The following LRRC56 variants were observed in gnomAD, a reference collection of about 807,000 sequenced individuals.
LRRC56 encodes leucine-rich repeat-containing protein 56.
LRRC56 carries 41 observed loss-of-function variants against 47.8 expected under a neutral mutation model. The observed-to-expected ratio is 0.86, with a 90% CI of 0.67 to 1.11. The LOEUF is 1.11. LRRC56 is among the 50% of genes most tolerant of loss of function. The pLI, the probability that LRRC56 is intolerant of heterozygous loss-of-function variation, is 0.00. For synonymous variants in LRRC56, 387 were observed against 311.2 expected (o/e 1.24, Z -2.56); for missense variants, 759 against 704.2 (o/e 1.08, Z -0.88).
chr11:538,009 G>A (rs1468523702), intron 1 of LRRC56, among the ~76,000 whole-genome samples: 1 of 152,186 alleles, frequency 6.6e-6, no homozygotes, highest in Non-Finnish European at 1.5e-5. Context: ...GGGGTGTGGA[G>A]ACAGGCCCCC....
chr11:525,923 C>T, the LRRC56 span, among the ~76,000 whole-genome samples: 2 of 151,386 alleles, frequency 1.3e-5, no homozygotes, highest in Non-Finnish European at 2.9e-5. Context: ...AGGCCAGGCG[C>T]GGTGGCTCAC....
chr11:523,328 A>G, the LRRC56 span, among the ~76,000 whole-genome samples: 1 of 149,452 alleles, frequency 6.7e-6, no homozygotes, highest in Admixed American at 6.7e-5. Flanking sequence ...CCAGCAATAT[A>G]TAGTTTTAAA....
chr11:528,928 G>C, the LRRC56 span: 2 of 152,382 alleles, frequency 1.3e-5, no homozygotes, highest in Admixed American at 6.5e-5. Context: ...GGTGTCCGAG[G>C]GGGGGCTCTG....
the LRRC56 span, among the ~76,000 whole-genome samples, chr11:527,963 A>G: frequency 2.8e-4 from 43 of 151,756 alleles, no homozygotes; most frequent in South Asian, 8.5e-3. Context: ...CGGCCTCCCA[A>G]GGGCTGGGAT....
At chr11:534,333 G>A, upstream of LRRC56, 1 of 1,607,758 alleles carries the variant, frequency 6.2e-7, no homozygotes, top group Non-Finnish European at 8.5e-7. Context: ...CGCTCCTCAG[G>A]GGCCTGCGGC....
At chr11:534,069 G>C (rs1851299408), upstream of LRRC56, 2 of 1,217,228 alleles carry the variant, frequency 1.6e-6, no homozygotes, top group South Asian at 2.4e-5. Flanking sequence ...GCTGAGACGA[G>C]GGACTCCCCT....
chr11:532,490 C>A, the LRRC56 span: 2 of 1,113,332 alleles, frequency 1.8e-6, no homozygotes, highest in Non-Finnish European at 2.6e-6. Flanking sequence ...CACCTCCTTC[C>A]TGCATCCGGC....
chr11:537,279 C>G (rs1273403296), upstream of LRRC56: 1 of 152,238 alleles, frequency 6.6e-6, no homozygotes, highest in African/African-American at 2.4e-5. Context: ...TGGCACCTGA[C>G]GCGCCTGCGC....
At chr11:512,524 G>A in the LRRC56 span, among the ~76,000 whole-genome samples, 3 of 152,116 alleles carry the variant, frequency 2.0e-5, no homozygotes, top group East Asian at 3.8e-4. Context: ...GAGCCACCGC[G>A]CCTGGCAAGG....
At position 541,201 on chromosome 11, in the gene LRRC56, G is replaced by A. The variant is rs903692643; in HGVS notation, c.178-336G>A. ...AAAGAGGGGGGTCCTTCACTCAAGC[G>A]GGAGACCAGATGGCTCAAAGCTCAG... is the stretch of plus-strand genomic sequence containing the variant. On this transcript the variant is annotated intron_variant, in intron 4 of 13. Coordinates refer to ENST00000270115, the MANE Select transcript of LRRC56 (RefSeq NM_198075.4). This position sits in a 1 kb window ranked among gnomAD's most constrained non-coding sequence, Gnocchi z 4.1. Among the ~76,000 whole-genome samples, 9 of 152,180 alleles carry A rather than the reference G, an allele frequency of 5.9e-5. No homozygotes were observed. Among genetic ancestry groups the A allele is most frequent in the South Asian group, 2.1e-4 (1 of 4,830 alleles).
At chr11:530,419 GAGTGTGGCATTCCCTGGACAGAAGGGCA>G in the LRRC56 span, among the ~76,000 whole-genome samples, 171 of 151,182 alleles carry the variant, frequency 1.1e-3, no homozygotes, top group Non-Finnish European at 1.9e-3. Flanking sequence ...GGAGAAGGGG[GAGTGTGGCATTCCCTGGACAGAAGGGCA>G]AGTGTGGCGT....
chr11:532,749 C>T, upstream of LRRC56: 1 of 1,612,794 alleles, frequency 6.2e-7, no homozygotes, highest in Non-Finnish European at 8.5e-7. Context: ...AAGGCATCCT[C>T]CACTCCCTGG....
rs561624498 is a variant in LRRC56, at chr11:540,379, C to T, written c.-11-295C>T. Among the ~76,000 whole-genome samples the T allele has an allele frequency of 9.2e-5, 14 of 152,324 alleles. No individual in the cohort carries two copies. In the East Asian group the frequency reaches 1.3e-3, roughly 15 times the overall value. ...GGTGGGGAGGCCTGAAGCCAGCACT[C>T]CCTGCATGGACCCTGAGGATGGGCA... On this transcript the variant is annotated intron_variant, in intron 3 of 13. Coordinates refer to ENST00000270115, the MANE Select transcript of LRRC56 (RefSeq NM_198075.4).
At chr11:521,697 G>A in the LRRC56 span, among the ~76,000 whole-genome samples, 7 of 152,170 alleles carry the variant, frequency 4.6e-5, no homozygotes, top group South Asian at 4.1e-4. Flanking sequence ...GGCAGATCAC[G>A]AGGTCAGGAG....
At chr11:543,241 T>G in intron 5 of LRRC56, among the ~76,000 whole-genome samples, 1 of 140,546 alleles carries the variant, frequency 7.1e-6, no homozygotes, top group African/African-American at 2.7e-5. Flanking sequence ...TAAGACAGAG[T>G]CTCTCTCTTG....
chr11:550,370 C>A, intron 8 of LRRC56, 98 bp downstream of exon 8: 1 of 1,110,980 alleles, frequency 9.0e-7, no homozygotes, highest in South Asian at 1.6e-5. Context: ...TACTTCTGTG[C>A]CCACCCGCAC....
the LRRC56 span, among the ~76,000 whole-genome samples, chr11:531,615 G>A: frequency 1.3e-5 from 2 of 152,178 alleles, no homozygotes; most frequent in African/African-American, 4.8e-5. Context: ...GGGCGGGGGA[G>A]AGTGGGGCAG....
chr11:551,121 C>T lies in LRRC56; in HGVS notation c.625-10C>T. 2.2e-6 allele frequency: 3 copies of T among 1,384,006 alleles called. No homozygotes were observed. The highest frequency in any genetic ancestry group is 2.5e-5 in the Admixed American group (1 of 39,888). The allele number at this position is 1,384,006 out of a possible 1,614,324, so 85.7% of individuals were successfully genotyped here. A position where few individuals can be genotyped will look rare whatever the true frequency, so the allele number is the denominator to read the frequency against. ...ACCTGCCCTCCCTCCCCCTCCCCCT[C>T]CCCCTGCAGGTGCCCAGGGGCTACA... On this transcript the variant is annotated splice_polypyrimidine_tract_variant and intron_variant, in intron 8 of 13. Coordinates refer to ENST00000270115, the MANE Select transcript of LRRC56 (RefSeq NM_198075.4).
rs770805026 is a variant in LRRC56 at position 540,647 on chromosome 11, A to AGTT, written c.-11-26_-11-25insTTG. On this transcript the variant is annotated intron_variant, in intron 3 of 13. Coordinates refer to ENST00000270115, the MANE Select transcript of LRRC56 (RefSeq NM_198075.4). ...CAGAGGAGGAGGAGCAACAGCGTGG[A>AGTT]GCTTTGCACTGTGCCTCTGTCAGCA... 725 of 1,595,242 alleles carry AGTT rather than the reference A, an allele frequency of 4.5e-4. 3 individuals are homozygous for AGTT. Among genetic ancestry groups the AGTT allele is most frequent in the Non-Finnish European group, 8.5e-5 (99 of 1,169,384 alleles).
Sources: allele counts gnomAD v4.1 joint callset (sites outside exome capture counted in the v4.1 genomes callset), GRCh38; gene constraint gnomAD v4.1.1; non-coding constraint Gnocchi (gnomAD v3.1); transcripts MANE v1.5; gene names NCBI Gene and HGNC (gene_info 2026-07-23, HGNC 2026-07-21).